Variants in SH3KBP1 observed in about 807,000 individuals in gnomAD.
SH3KBP1 encodes SH3 domain-containing kinase-binding protein 1.
Under a neutral mutation model 50.1 loss-of-function variants are expected in SH3KBP1, and 8 were observed. That is an observed-to-expected ratio of 0.16 (90% CI 0.09 to 0.29). The LOEUF is 0.29. Among genes scored for constraint, SH3KBP1 ranks in the 10% least tolerant of loss-of-function variants. The pLI, the probability that SH3KBP1 is intolerant of heterozygous loss-of-function variation, is 1.00. For missense variants in SH3KBP1, 377 were observed against 535.2 expected (o/e 0.70, Z 2.92); for synonymous variants, 227 against 218.6 (o/e 1.04, Z -0.34).
At chrX:19,724,314 C>T (rs974503520) in intron 3 of SH3KBP1, among the ~76,000 whole-genome samples, 1 of 112,372 alleles carries the variant, frequency 8.9e-6, no homozygotes, top group African/African-American at 3.2e-5. Flanking sequence ...ATCTCCCCAA[C>T]AATAATTTTT....
At chrX:19,561,815 CTTTT>C (rs769428738) in intron 13 of SH3KBP1, among the ~76,000 whole-genome samples, 2 of 96,092 alleles carry the variant, frequency 2.1e-5, no homozygotes, top group Admixed American at 1.1e-4. Flanking sequence ...AATTGAAAGC[CTTTT>C]TTTTTTTTTT....
At chrX:19,644,910 T>C (rs757191255) in intron 7 of SH3KBP1, among the ~76,000 whole-genome samples, 34 of 111,723 alleles carry the variant, frequency 3.0e-4, no homozygotes, top group Non-Finnish European at 5.5e-4. Flanking sequence ...CCAAAAAGAC[T>C]TGAGCCTCCT....
chrX:19,737,081 A>AT (rs2064607433), intron 3 of SH3KBP1, among the ~76,000 whole-genome samples: 1 of 109,649 alleles, frequency 9.1e-6, no homozygotes. Flanking sequence ...TAATTTTTGT[A>AT]TTTTTTATAG....
chrX:19,820,257 C>A (rs1427866817), intron 2 of SH3KBP1, among the ~76,000 whole-genome samples: 1 of 111,754 alleles, frequency 8.9e-6, no homozygotes, highest in African/African-American at 3.3e-5. Context: ...CCTTCTATAC[C>A]CTTGCTGATT....
At chrX:19,699,506 T>C (rs751714901) in intron 4 of SH3KBP1, among the ~76,000 whole-genome samples, 15 of 112,083 alleles carry the variant, frequency 1.3e-4, no homozygotes, top group African/African-American at 4.9e-4. Flanking sequence ...TTGCCTCTTC[T>C]AGAACTTCAC....
intron 2 of SH3KBP1, among the ~76,000 whole-genome samples, chrX:19,817,451 T>C (rs2067390347): frequency 8.9e-6 from 1 of 111,901 alleles, no homozygotes; most frequent in South Asian, 3.7e-4. Context: ...CTTTGAATAC[T>C]ATTAACAACA....
chrX:19,865,203 G>A (rs2068873939), intron 1 of SH3KBP1, among the ~76,000 whole-genome samples: 1 of 112,322 alleles, frequency 8.9e-6, no homozygotes, highest in Non-Finnish European at 1.9e-5. Flanking sequence ...CCTAAGTATG[G>A]TGATGACAAT....
intron 3 of SH3KBP1, among the ~76,000 whole-genome samples, chrX:19,721,202 A>G (rs2064049405): frequency 9.0e-6 from 1 of 111,357 alleles, no homozygotes; most frequent in South Asian, 3.7e-4. Flanking sequence ...TGAAAGGCTA[A>G]ACCCCTTAAG....
intron 2 of SH3KBP1, among the ~76,000 whole-genome samples, chrX:19,776,164 A>G (rs969892318): frequency 1.8e-5 from 2 of 111,830 alleles, no homozygotes; most frequent in African/African-American, 6.5e-5. Flanking sequence ...AAAATGCTCT[A>G]AAGTCAGAAG....
intron 5 of SH3KBP1, among the ~76,000 whole-genome samples, chrX:19,686,949 T>C (rs1181718435): frequency 9.0e-6 from 1 of 111,641 alleles, no homozygotes; most frequent in Non-Finnish European, 1.9e-5. Context: ...CATGAGATAT[T>C]TTTATCTATT....
At chrX:19,665,692 A>G (rs1313532363) in intron 6 of SH3KBP1, among the ~76,000 whole-genome samples, 1 of 112,136 alleles carries the variant, frequency 8.9e-6, no homozygotes, top group Non-Finnish European at 1.9e-5. Flanking sequence ...AATGCCACAG[A>G]GAAGTACAAA....
At chrX:19,632,713 A>T (rs1398358155) in intron 7 of SH3KBP1, among the ~76,000 whole-genome samples, 1 of 112,968 alleles carries the variant, frequency 8.9e-6, no homozygotes, top group African/African-American at 3.2e-5. Flanking sequence ...TGCTTTTGAA[A>T]GTCCATGTGC....
At chrX:19,866,023 T>C (rs1249475181) in intron 1 of SH3KBP1, among the ~76,000 whole-genome samples, 1 of 112,218 alleles carries the variant, frequency 8.9e-6, no homozygotes, top group Non-Finnish European at 1.9e-5. Flanking sequence ...CACCAGGGAC[T>C]GGTTCAAGCT....
chrX:19,780,624 G>A (rs1457193677), intron 2 of SH3KBP1, among the ~76,000 whole-genome samples: 1 of 108,386 alleles, frequency 9.2e-6, no homozygotes, highest in Admixed American at 1.0e-4. Flanking sequence ...TTTTGTATAA[G>A]GTGTAAGGAA....
At chrX:19,645,561 T>C in intron 6 of SH3KBP1, 86 bp from the exon 7 acceptor site, 3 of 772,521 alleles carry the variant, frequency 3.9e-6, no homozygotes, top group Non-Finnish European at 5.9e-6. Flanking sequence ...AATGACAAAA[T>C]GCTCGAAATT....
chrX:19,637,009 A>T (rs2061720660), intron 7 of SH3KBP1, among the ~76,000 whole-genome samples: 1 of 112,478 alleles, frequency 8.9e-6, no homozygotes, highest in African/African-American at 3.2e-5. Flanking sequence ...TCATAATCAG[A>T]AATTCTCTCG....
intron 8 of SH3KBP1, among the ~76,000 whole-genome samples, chrX:19,629,084 G>A (rs904095334): frequency 1.8e-5 from 2 of 111,494 alleles, no homozygotes; most frequent in Admixed American, 1.9e-4. Context: ...TCCAGCCTGG[G>A]CGACAGAGTG....
intron 3 of SH3KBP1, among the ~76,000 whole-genome samples, chrX:19,742,528 A>AT (rs1239546737): frequency 2.3e-4 from 25 of 110,095 alleles, no homozygotes; most frequent in South Asian, 1.1e-3. Flanking sequence ...GTTTTATTCA[A>AT]TTTTTCTTCT....
At chrX:19,688,837 C>T (rs1294165931) in intron 5 of SH3KBP1, among the ~76,000 whole-genome samples, 1 of 111,878 alleles carries the variant, frequency 8.9e-6, no homozygotes, top group Non-Finnish European at 1.9e-5. Flanking sequence ...GATGAAAAAG[C>T]TAGGCTACAT....
Sources: gnomAD v4.1 joint callset for allele counts (sites outside exome capture counted in the v4.1 genomes callset) on GRCh38, gnomAD v4.1.1 for gene constraint, MANE v1.5 for transcripts, NCBI Gene and HGNC (gene_info 2026-07-23, HGNC 2026-07-21) for gene names.